FA2H: variants seen among roughly 807,000 people sequenced by gnomAD.
FA2H encodes the protein fatty acid 2-hydroxylase.
FA2H carries 22 observed loss-of-function variants against 44.9 expected under a neutral mutation model. That is an observed-to-expected ratio of 0.49 (90% CI 0.35 to 0.70). The LOEUF (loss-of-function observed/expected upper bound fraction) is 0.70, where lower values mean the gene tolerates loss of function less well. Among genes scored for constraint, FA2H ranks in the 30% least tolerant of loss-of-function variants. The pLI is 0.01. For missense variants in FA2H, 501 were observed against 504.9 expected, an observed-to-expected ratio of 0.99 and a Z score of 0.07; for synonymous variants, 243 against 213.2, an observed-to-expected ratio of 1.14 and a Z score of -1.22.
At chr16:74,740,166 G>A in intron 1 of FA2H, 51 bp from the exon 2 acceptor site, 1 of 1,473,886 alleles carries the variant, frequency 6.8e-7, no homozygotes, top group Non-Finnish European at 9.5e-7. Flanking sequence ...AGGGAAGAGG[G>A]CAGAGCCCCG....
intron 2 of FA2H, among the ~76,000 whole-genome samples, chr16:74,739,212 G>A (rs1459234126): frequency 2.0e-5 from 3 of 152,166 alleles, no homozygotes; most frequent in Admixed American, 2.0e-4. Flanking sequence ...CGCAGGGAGG[G>A]GCCTGTCCCA....
intron 4 of FA2H, among the ~76,000 whole-genome samples, chr16:74,722,698 A>G (rs1961865348): frequency 6.6e-6 from 1 of 152,108 alleles, no homozygotes; most frequent in Admixed American, 6.5e-5. Flanking sequence ...GGATCAGCTG[A>G]GGTCAGGAGT....
chr16:74,771,374 A>G lies in FA2H; in HGVS notation c.270+3112T>C, dbSNP rs566899696. On this transcript the variant is annotated intron_variant, in intron 1 of 6. Transcript: ENST00000219368. Reference sequence around the variant, plus strand: ...CCCAGCTAATTTTTGTATTTTTAGCAGAGATAAGATTTTACCGTGTTGCCC... The same window carrying G: ...CCCAGCTAATTTTTGTATTTTTAGCGGAGATAAGATTTTACCGTGTTGCCC... Among the ~76,000 whole-genome samples the G allele has an allele frequency of 1.1e-4, 16 of 151,938 alleles. 1 individual carries two copies. In the East Asian group the frequency reaches 3.1e-3, roughly 29 times the overall value.
intron 4 of FA2H, among the ~76,000 whole-genome samples, chr16:74,721,758 G>C (rs1174625233): frequency 2.6e-5 from 4 of 152,160 alleles, no homozygotes; most frequent in Admixed American, 6.5e-5. Context: ...AGAGAAGAGA[G>C]GCCCTGGGGT....
intron 2 of FA2H, among the ~76,000 whole-genome samples, chr16:74,739,084 C>G (rs774306765): frequency 6.6e-6 from 1 of 152,222 alleles, no homozygotes; most frequent in African/African-American, 2.4e-5. Flanking sequence ...GGGGTCCCCA[C>G]CCCACTCTGC....
intron 4 of FA2H, among the ~76,000 whole-genome samples, chr16:74,725,559 C>T (rs8056874): frequency 2.0e-5 from 3 of 152,248 alleles, no homozygotes; most frequent in Non-Finnish European, 2.9e-5. Flanking sequence ...CCTAGCCACA[C>T]GCCTTTCAGC....
intron 2 of FA2H, among the ~76,000 whole-genome samples, chr16:74,738,167 G>C (rs568666820): frequency 1.3e-5 from 2 of 152,120 alleles, no homozygotes; most frequent in African/African-American, 4.8e-5. Flanking sequence ...TCGCCCTTCC[G>C]TCTCAGCCCA....
chr16:74,764,600 C>T (rs1055738178), intron 1 of FA2H, among the ~76,000 whole-genome samples: 2 of 151,992 alleles, frequency 1.3e-5, no homozygotes, highest in African/African-American at 4.8e-5. Flanking sequence ...GGGAGAGGAG[C>T]AGGAAACATA....
chr16:74,765,878 G>A (rs1330510371), intron 1 of FA2H, among the ~76,000 whole-genome samples: 1 of 152,018 alleles, frequency 6.6e-6, no homozygotes, highest in African/African-American at 2.4e-5. Context: ...AGTACCTATT[G>A]GTATGTACCA....
intron 5 of FA2H, among the ~76,000 whole-genome samples, chr16:74,717,747 G>A (rs1483587686): frequency 6.6e-6 from 1 of 152,206 alleles, no homozygotes; most frequent in East Asian, 1.9e-4. Flanking sequence ...GACAGACTGG[G>A]GTGGAAGTGT....
rs961822519 is a variant in FA2H at position 74,713,396 on chromosome 16, C to T, written c.*794G>A. On this transcript the variant is annotated 3_prime_UTR_variant, in exon 7 of 7. Coordinates refer to ENST00000219368, the MANE Select transcript of FA2H (RefSeq NM_024306.5). ...GGAGGTGAGGCACTGAGAGGTGGCT[C>T]CTTCTGGGAGCGCCCGAGTAGGGGC... is the stretch of plus-strand genomic sequence containing the variant. The T allele has an allele frequency of 6.6e-6, 1 of 152,298 alleles. No individual in the cohort carries two copies. The highest frequency in any genetic ancestry group is 2.4e-5 in the African/African-American group (1 of 41,426). The allele number at this position is 152,298 out of a possible 1,614,324, so 9.4% of individuals were successfully genotyped here.
rs1183364471 is a variant in FA2H at position 74,774,544 on chromosome 16, G to T, written c.212C>A (p.Ala71Asp). ...DLDGPPHRHS[A>D]NARRWLEQYY... ...CTGCTCCAGCCAGCGGCGCGCGTTG[G>T]CCGAGTGCCTGTGCGGCGGCCCGTC... The change falls in exon 1 of 7, where the codon GCC becomes GAC. Residue 71 changes from alanine to aspartate, a missense_variant. Coordinates refer to ENST00000219368, the MANE Select transcript of FA2H (RefSeq NM_024306.5). The T allele has an allele frequency of 1.3e-6, 2 of 1,546,852 alleles. No homozygotes were observed.
chr16:74,767,812 G>T (rs952544896), intron 1 of FA2H, among the ~76,000 whole-genome samples: 6 of 152,232 alleles, frequency 3.9e-5, no homozygotes, highest in African/African-American at 1.4e-4. Flanking sequence ...ATTTGCCAGA[G>T]AAGCAATCAA....
Position 74,774,546 on chromosome 16 carries a change from C to G in FA2H, c.210G>C (p.Ser70=). 1 of 1,545,484 alleles carries G rather than the reference C, an allele frequency of 6.5e-7. No individual in the cohort carries two copies. Among genetic ancestry groups the G allele is most frequent in the Non-Finnish European group, 8.7e-7 (1 of 1,155,846 alleles). Residue 70 remains serine (S), a synonymous_variant, in exon 1 of 7, where the codon TCG becomes TCC. Transcript: ENST00000219368. ...GCTCCAGCCAGCGGCGCGCGTTGGC[C>G]GAGTGCCTGTGCGGCGGCCCGTCCA... ...ADLDGPPHRH[S]ANARRWLEQY... is the part of the protein sequence containing the mutation.
intron 1 of FA2H, among the ~76,000 whole-genome samples, chr16:74,753,734 C>A (rs1272199844): frequency 6.6e-6 from 1 of 152,124 alleles, no homozygotes; most frequent in Non-Finnish European, 1.5e-5. Context: ...CTCCAATTTC[C>A]CCATCTCCAT....
chr16:74,714,269 CCT>C lies in FA2H; in HGVS notation c.1040-2_1040-1del. On this transcript the variant is annotated splice_acceptor_variant, in intron 6 of 6. Coordinates refer to ENST00000219368, the MANE Select transcript of FA2H (RefSeq NM_024306.5). LOFTEE classifies it high-confidence loss of function. ...CCACAATTTAGTGCTGATACCAAAT[CCT>C]AGAGAGGGAGACAAACGGGGAGAAG... 1 of 1,553,174 alleles carries C rather than the reference CCT, an allele frequency of 6.4e-7. No homozygotes were observed. The highest frequency in any genetic ancestry group is 8.7e-7 in the Non-Finnish European group (1 of 1,146,050).
intron 1 of FA2H, among the ~76,000 whole-genome samples, chr16:74,743,440 C>T (rs1001646805): frequency 4.6e-5 from 7 of 152,232 alleles, no homozygotes; most frequent in African/African-American, 1.7e-4. Flanking sequence ...CCGGAGGAGT[C>T]CCTGCTCTGT....
chr16:74,739,872 A>T (rs112965118), intron 2 of FA2H, 151 bp downstream of exon 2: 18 of 751,850 alleles, frequency 2.4e-5, no homozygotes, highest in African/African-American at 1.9e-4. Flanking sequence ...GTCCCAGGTC[A>T]TGCCTCTGGG....
intron 2 of FA2H, among the ~76,000 whole-genome samples, chr16:74,732,794 G>C (rs1292161998): frequency 6.6e-6 from 1 of 152,194 alleles, no homozygotes; most frequent in Non-Finnish European, 1.5e-5. Context: ...AAATGTCTAG[G>C]TAAGCTATAA....
Sources: allele counts gnomAD v4.1 joint callset (sites outside exome capture counted in the v4.1 genomes callset), GRCh38; gene constraint gnomAD v4.1.1; transcripts MANE v1.5; gene names NCBI Gene and HGNC (gene_info 2026-07-23, HGNC 2026-07-21).